The following PEMT variants were observed in gnomAD, a reference collection of about 807,000 sequenced individuals.
The protein encoded by PEMT is phospholipid methyltransferase.
Under a neutral mutation model 27.4 loss-of-function variants are expected in PEMT, and 23 were observed. The observed-to-expected ratio is 0.84, with a 90% CI of 0.60 to 1.19. PEMT has a LOEUF of 1.19. Among genes scored for constraint, PEMT ranks in the 50% most tolerant of loss-of-function variants. PEMT has a pLI of 0.00. For synonymous variants in PEMT, 137 were observed against 139.1 expected (o/e 0.98, Z 0.11); for missense variants, 307 against 310.1 (o/e 0.99, Z 0.07).
chr17:17,522,291 C>G lies in PEMT; in HGVS notation c.309G>C (p.Leu103=), dbSNP rs760374207. The change falls in exon 3 of 7, where the codon CTG becomes CTC. Residue 103 remains leucine (L), a synonymous_variant. Coordinates refer to ENST00000255389, the MANE Select transcript of PEMT (RefSeq NM_148172.3). ...LSVTILLLNF[L]RSHCFTQAML... ...AGAGCTGTGCTTACCAGTGCGAGCGCAGGAAGTTCAGGAGCAGGATGGTGA... is the reference window on the plus strand; with the variant it reads ...AGAGCTGTGCTTACCAGTGCGAGCGGAGGAAGTTCAGGAGCAGGATGGTGA... 1.2e-6 allele frequency: 2 copies of G among 1,612,350 alleles called. No homozygotes were observed. The highest frequency in any genetic ancestry group is 3.3e-5 in the Admixed American group (2 of 60,002).
chr17:17,554,907 C>T (rs1040515222), intron 2 of PEMT, among the ~76,000 whole-genome samples: 4 of 152,118 alleles, frequency 2.6e-5, no homozygotes, highest in East Asian at 1.9e-4. Context: ...CGAGCCATCG[C>T]GCCCGGCCAG....
Position 17,556,332 on chromosome 17 carries a change from T to C in PEMT, c.204+20588A>G, listed in dbSNP as rs533998448. Among the ~76,000 whole-genome samples the C allele has an allele frequency of 5.3e-5, 8 of 151,856 alleles. No individual in the cohort carries two copies. The South Asian group carries it at 1.7e-3, about 32-fold the overall frequency. ...GGATGCTCAGCCAAGGCCGGAGCCT[T>C]CTGCATGGGAGCCTTCCTTCCTTCC... On this transcript the variant is annotated intron_variant, in intron 2 of 6. Coordinates refer to ENST00000255389, the MANE Select transcript of PEMT (RefSeq NM_148172.3).
chr17:17,533,210 C>T (rs950029899), intron 2 of PEMT, among the ~76,000 whole-genome samples: 1 of 152,200 alleles, frequency 6.6e-6, no homozygotes, highest in Non-Finnish European at 1.5e-5. Context: ...TCCAACAAGG[C>T]TGCCAAAACA....
At chr17:17,548,824 C>T (rs1388874464) in intron 2 of PEMT, among the ~76,000 whole-genome samples, 15 of 152,078 alleles carry the variant, frequency 9.9e-5, no homozygotes, top group African/African-American at 3.1e-4. Context: ...GGATTACAGG[C>T]GTGAGCCGCC....
At chr17:17,566,558 G>A (rs956795637) in intron 2 of PEMT, among the ~76,000 whole-genome samples, 1 of 152,254 alleles carries the variant, frequency 6.6e-6, no homozygotes, top group Admixed American at 6.5e-5. Context: ...AAGGCACAGG[G>A]AGGAGGGCCC....
chr17:17,513,097 T>TCC lies in PEMT; in HGVS notation c.321-445_321-444dup, dbSNP rs1906540279. On this transcript the variant is annotated intron_variant, in intron 3 of 6. Coordinates refer to ENST00000255389, the MANE Select transcript of PEMT (RefSeq NM_148172.3). This position sits in a 1 kb window ranked among gnomAD's most constrained non-coding sequence, Gnocchi z 4.1. ...CCAGGTTGCAGGGCAGGCCCAGGTG[T>TCC]CCCATTCCCCAACAGACTCAGTGCC... 6.6e-6 allele frequency among the ~76,000 whole-genome samples: 1 copy of TCC among 152,094 alleles called. No homozygotes were observed. Among genetic ancestry groups the TCC allele is most frequent in the Non-Finnish European group, 1.5e-5 (1 of 68,006 alleles).
intron 2 of PEMT, among the ~76,000 whole-genome samples, chr17:17,557,295 T>C (rs1211868926): frequency 6.6e-6 from 1 of 152,154 alleles, no homozygotes; most frequent in Non-Finnish European, 1.5e-5. Flanking sequence ...AGCCGACACC[T>C]CTGGCCACCC....
At chr17:17,526,897 C>T (rs1488987892) in intron 2 of PEMT, among the ~76,000 whole-genome samples, 1 of 152,228 alleles carries the variant, frequency 6.6e-6, no homozygotes, top group African/African-American at 2.4e-5. Context: ...CCCACAAGGC[C>T]TACACCAGCC....
chr17:17,552,919 C>T (rs1433594935), intron 2 of PEMT, among the ~76,000 whole-genome samples: 1 of 152,216 alleles, frequency 6.6e-6, no homozygotes, highest in East Asian at 1.9e-4. Flanking sequence ...CCCCCTTTCC[C>T]CCAGGCCAGG....
At chr17:17,550,015 G>T (rs895002517) in intron 2 of PEMT, among the ~76,000 whole-genome samples, 3 of 152,228 alleles carry the variant, frequency 2.0e-5, no homozygotes, top group African/African-American at 7.2e-5. Flanking sequence ...TGACGGAAAT[G>T]GATCCTTCTT....
Position 17,582,791 on chromosome 17 carries a change from C to T in PEMT, c.97-5764G>A, listed in dbSNP as rs1187134494. 6.6e-6 allele frequency among the ~76,000 whole-genome samples: 1 copy of T among 152,180 alleles called. No individual in the cohort carries two copies. The highest frequency in any genetic ancestry group is 1.5e-5 in the Non-Finnish European group (1 of 68,040). ...CTAAGTTTATTCTCTGGGCCGGGCG[C>T]GATGGCTCACCCCCGTAATCCCAGC... On this transcript the variant is annotated intron_variant, in intron 1 of 6. Transcript: ENST00000255389. The surrounding 1 kb of genome is among the most constrained non-coding windows in gnomAD (Gnocchi z 4.9).
At chr17:17,579,922 G>A (rs1300282789) in intron 1 of PEMT, among the ~76,000 whole-genome samples, 2 of 152,230 alleles carry the variant, frequency 1.3e-5, no homozygotes, top group South Asian at 2.1e-4. Flanking sequence ...TGGGAACTGC[G>A]CAGTGCCTGC....
intron 2 of PEMT, among the ~76,000 whole-genome samples, chr17:17,527,470 A>G (rs1450559258): frequency 1.3e-5 from 2 of 152,218 alleles, no homozygotes; most frequent in African/African-American, 4.8e-5. Flanking sequence ...TCTGGGCTCA[A>G]ACACCGGCTC....
Position 17,537,230 on chromosome 17 carries a change from G to A in PEMT, c.205-14835C>T, listed in dbSNP as rs141082652. Among the ~76,000 whole-genome samples the A allele has an allele frequency of 9.7e-3, 1,482 of 152,340 alleles. 28 individuals are homozygous for A. The highest frequency in any genetic ancestry group is 0.033 in the African/African-American group (1,375 of 41,584). ...AGCCAGCATGCTCAGAGTCCAGCTC[G>A]GAGGTGGGAGCCCAGAGCTCCTCGA... On this transcript the variant is annotated intron_variant, in intron 2 of 6. Coordinates refer to ENST00000255389, the MANE Select transcript of PEMT (RefSeq NM_148172.3).
chr17:17,575,139 G>A (rs1911492785), intron 2 of PEMT, among the ~76,000 whole-genome samples: 3 of 152,226 alleles, frequency 2.0e-5, no homozygotes, highest in East Asian at 1.9e-4. Flanking sequence ...GGCTCTGGGG[G>A]AGACTCCATT....
intron 2 of PEMT, among the ~76,000 whole-genome samples, chr17:17,539,679 A>G (rs1720688634): frequency 6.6e-6 from 1 of 152,206 alleles, no homozygotes. Flanking sequence ...AATCACGATC[A>G]TGGGGCCTGA....
At chr17:17,591,442 G>T in intron 1 of PEMT, 89 bp downstream of exon 1, 1 of 815,892 alleles carries the variant, frequency 1.2e-6, no homozygotes, top group Non-Finnish European at 1.8e-6. Context: ...GCCCCGCCCC[G>T]CAGCGTTTGA....
intron 1 of PEMT, among the ~76,000 whole-genome samples, chr17:17,590,025 G>T (rs1912510446): frequency 6.7e-6 from 1 of 149,046 alleles, no homozygotes; most frequent in African/African-American, 2.5e-5. Context: ...AAGGGACACT[G>T]CCCCCTTGCA....
chr17:17,506,394 CT>C (rs1905848601), intron 5 of PEMT, 93 bp from the exon 6 acceptor site: 6 of 958,030 alleles, frequency 6.3e-6, no homozygotes, highest in Non-Finnish European at 7.8e-6. Context: ...TGCCGTGACC[CT>C]GGCCCTCCGG....
Sources: allele counts gnomAD v4.1 joint callset (sites outside exome capture counted in the v4.1 genomes callset), GRCh38; gene constraint gnomAD v4.1.1; non-coding constraint Gnocchi (gnomAD v3.1); transcripts MANE v1.5; gene names NCBI Gene and HGNC (gene_info 2026-07-23, HGNC 2026-07-21).